The following HTR4 variants were observed in gnomAD, a reference collection of about 807,000 sequenced individuals.
The protein encoded by HTR4 is 5-hydroxytryptamine (serotonin) receptor 4, G protein-coupled.
HTR4 carries 16 observed loss-of-function variants against 36.8 expected under a neutral mutation model. The observed-to-expected ratio is 0.43, with a 90% CI of 0.29 to 0.66. HTR4 has a LOEUF of 0.66. HTR4 is among the 30% of genes least tolerant of loss of function. The pLI is 0.13. For synonymous variants in HTR4, 189 were observed against 185.1 expected (o/e 1.02, Z -0.17); for missense variants, 438 against 490.9 (o/e 0.89, Z 1.02).
chr5:148,547,688 C>T (rs57976379), intron 4 of HTR4, among the ~76,000 whole-genome samples: 31,515 of 151,784 alleles, frequency 0.21, 4,435 homozygotes, highest in African/African-American at 0.4. Flanking sequence ...AGCACAGTAG[C>T]TCGAGACCAG....
chr5:148,602,129 A>G (rs1329690041), intron 2 of HTR4, among the ~76,000 whole-genome samples: 2 of 152,152 alleles, frequency 1.3e-5, no homozygotes, highest in Non-Finnish European at 2.9e-5. Context: ...TCTTATGTTA[A>G]GTGTTCTTAC....
At chr5:148,536,080 T>A (rs1253652330) in intron 4 of HTR4, among the ~76,000 whole-genome samples, 1 of 152,146 alleles carries the variant, frequency 6.6e-6, no homozygotes, top group Non-Finnish European at 1.5e-5. Context: ...CGTAGTCCTA[T>A]AATCAACATT....
chr5:148,491,321 T>C (rs1223979477), intron 6 of HTR4, among the ~76,000 whole-genome samples: 2 of 150,554 alleles, frequency 1.3e-5, no homozygotes, highest in African/African-American at 4.9e-5. Flanking sequence ...CGGCGCTATA[T>C]ATTTTTTTTT....
At chr5:148,626,755 G>T (rs1181312429) in intron 2 of HTR4, among the ~76,000 whole-genome samples, 5 of 152,090 alleles carry the variant, frequency 3.3e-5, no homozygotes, top group Admixed American at 2.6e-4. Flanking sequence ...TTGGAGAGAG[G>T]TTTACCTTTT....
chr5:148,555,160 AG>A (rs1340749457), intron 2 of HTR4, among the ~76,000 whole-genome samples: 1 of 152,152 alleles, frequency 6.6e-6, no homozygotes, highest in African/African-American at 2.4e-5. Context: ...TGGCTGTTTT[AG>A]GTCGCTTTTT....
At chr5:148,591,191 C>T (rs1292130781) in intron 2 of HTR4, among the ~76,000 whole-genome samples, 1 of 152,076 alleles carries the variant, frequency 6.6e-6, no homozygotes, top group Non-Finnish European at 1.5e-5. Flanking sequence ...GGTCCATGTG[C>T]ATGTTTTTGT....
chr5:148,509,411 G>C, intron 6 of HTR4, 45 bp downstream of exon 6: 1 of 1,430,086 alleles, frequency 7.0e-7, no homozygotes, highest in South Asian at 1.3e-5. Context: ...CCCCTTCTGA[G>C]TAATACAAAT....
At chr5:148,493,219 T>G (rs555667789) in intron 6 of HTR4, among the ~76,000 whole-genome samples, 5 of 152,318 alleles carry the variant, frequency 3.3e-5, no homozygotes, top group Admixed American at 3.3e-4. Flanking sequence ...AGGCCGGCTT[T>G]GTGGGTATGT....
Position 148,581,477 on chromosome 5 carries a change from C to T in HTR4, c.27-31215G>A, listed in dbSNP as rs574468643. Among the ~76,000 whole-genome samples the T allele has an allele frequency of 6.6e-5, 10 of 152,062 alleles. No individual in the cohort carries two copies. The South Asian group carries it at 2.1e-3, about 32-fold the overall frequency. On this transcript the variant is annotated intron_variant, in intron 2 of 6. Coordinates refer to ENST00000377888, the MANE Select transcript of HTR4 (RefSeq NM_000870.7). ...TTCCAGGCATTTTATGGATTTAGAT[C>T]TTATGTTCAAATCTGTAATTCATTT...
intron 2 of HTR4, among the ~76,000 whole-genome samples, chr5:148,571,002 T>C (rs1044048850): frequency 6.6e-6 from 1 of 152,048 alleles, no homozygotes; most frequent in Non-Finnish European, 1.5e-5. Flanking sequence ...GTTGTAGTTA[T>C]GATTGGGGAG....
chr5:148,587,069 G>T (rs1761375649), intron 2 of HTR4, among the ~76,000 whole-genome samples: 1 of 152,264 alleles, frequency 6.6e-6, no homozygotes, highest in Admixed American at 6.5e-5. Flanking sequence ...GCTCCCTATT[G>T]TCTCACCTCT....
At chr5:148,560,981 G>GA (rs1561620262) in intron 2 of HTR4, among the ~76,000 whole-genome samples, 1 of 152,058 alleles carries the variant, frequency 6.6e-6, no homozygotes, top group Non-Finnish European at 1.5e-5. Context: ...AATGGTAGGA[G>GA]AAAAAAGGAA....
chr5:148,553,851 A>G (rs538153676), intron 2 of HTR4, among the ~76,000 whole-genome samples: 6 of 152,230 alleles, frequency 3.9e-5, no homozygotes, highest in African/African-American at 1.4e-4. Flanking sequence ...TAGAATGCCT[A>G]TGTGATCCCC....
At chr5:148,537,257 T>C (rs1156500985) in intron 4 of HTR4, among the ~76,000 whole-genome samples, 1 of 152,092 alleles carries the variant, frequency 6.6e-6, no homozygotes, top group Non-Finnish European at 1.5e-5. Flanking sequence ...AGGAAATTCA[T>C]AGCACTAAAT....
intron 2 of HTR4, among the ~76,000 whole-genome samples, chr5:148,633,787 G>A (rs1038281855): frequency 2.6e-5 from 4 of 152,104 alleles, no homozygotes; most frequent in Admixed American, 2.0e-4. Context: ...GCAATCTACT[G>A]ACAATTTCTT....
intron 2 of HTR4, among the ~76,000 whole-genome samples, chr5:148,560,273 A>G (rs1760148626): frequency 6.6e-6 from 1 of 151,686 alleles, no homozygotes; most frequent in Non-Finnish European, 1.5e-5. Context: ...CCATAATATG[A>G]AGCATCAGAG....
intron 4 of HTR4, 83 bp from the exon 5 acceptor site, chr5:148,523,429 A>C: frequency 1.7e-6 from 2 of 1,170,922 alleles, no homozygotes; most frequent in Non-Finnish European, 2.3e-6. Flanking sequence ...GAGAGAGAAA[A>C]GGGGAGGAAG....
intron 5 of HTR4, among the ~76,000 whole-genome samples, chr5:148,511,045 T>A (rs1312786523): frequency 6.6e-6 from 1 of 152,204 alleles, no homozygotes; most frequent in Non-Finnish European, 1.5e-5. Context: ...ATTTAGGTGT[T>A]CACCCTAATC....
At chr5:148,597,283 A>G (rs1027996708) in intron 2 of HTR4, among the ~76,000 whole-genome samples, 1 of 152,176 alleles carries the variant, frequency 6.6e-6, no homozygotes, top group African/African-American at 2.4e-5. Context: ...TTTCTGATTT[A>G]TCCACAAGAA....
Sources: gnomAD v4.1 joint callset for allele counts (sites outside exome capture counted in the v4.1 genomes callset) on GRCh38, gnomAD v4.1.1 for gene constraint, MANE v1.5 for transcripts, NCBI Gene and HGNC (gene_info 2026-07-23, HGNC 2026-07-21) for gene names.